The following MOV10L1 variants were observed in gnomAD, a reference collection of about 807,000 sequenced individuals.
MOV10L1 encodes the protein RNA helicase Mov10l1.
Under a neutral mutation model 143.8 loss-of-function variants are expected in MOV10L1, and 110 were observed. That is an observed-to-expected ratio of 0.76 (90% confidence interval 0.66 to 0.90). The LOEUF is 0.90. MOV10L1 is among the 40% of genes least tolerant of loss of function. The probability of loss-of-function intolerance (pLI) is 0.00; values close to 1 mark genes in which losing one functional copy is unlikely to be tolerated. For missense variants in MOV10L1, 1,406 were observed against 1,526.8 expected (o/e 0.92, Z 1.32); for synonymous variants, 593 against 581.1 (o/e 1.02, Z -0.29).
At chr22:50,145,587 G>A in intron 18 of MOV10L1, 102 bp from the exon 19 acceptor site, 2 of 1,449,306 alleles carry the variant, frequency 1.4e-6, no homozygotes, top group Non-Finnish European at 1.9e-6. Flanking sequence ...CTTAAATCAT[G>A]ACTTAGACGT....
rs2063396147 is a variant in MOV10L1, at chr22:50,155,267, T to G, written c.3066+2049T>G. Among the ~76,000 whole-genome samples the G allele has an allele frequency of 2.0e-5, 3 of 151,008 alleles. No homozygotes were observed. The South Asian group carries it at 6.3e-4, about 32-fold the overall frequency. On this transcript the variant is annotated intron_variant, in intron 22 of 26. Coordinates refer to ENST00000262794, the MANE Select transcript of MOV10L1 (RefSeq NM_018995.3). ...TTTTTGGGGGTTGTTTTGTGGGTTTTTTTTTTTTTTTGAGACAGAGTTTTG... is the reference window on the plus strand; with the variant it reads ...TTTTTGGGGGTTGTTTTGTGGGTTTGTTTTTTTTTTTGAGACAGAGTTTTG...
At chr22:50,113,514 GTC>G (rs1225840045) in intron 5 of MOV10L1, 132 bp from the exon 6 acceptor site, 1 of 1,220,426 alleles carries the variant, frequency 8.2e-7, no homozygotes, top group East Asian at 2.4e-5. Flanking sequence ...AGAAACCTAA[GTC>G]TGTGGAAGCC....
rs1368212693 is a variant in MOV10L1, at chr22:50,115,255, C to G, written c.1259+9C>G. 3.3e-6 allele frequency: 5 copies of G among 1,508,090 alleles called. No homozygotes were observed. The highest frequency in any genetic ancestry group is 2.6e-5 in the East Asian group (1 of 38,234). The allele number at this position is 1,508,090 out of a possible 1,614,324, so 93.4% of individuals were successfully genotyped here. A position where few individuals can be genotyped will look rare whatever the true frequency, so the allele number is the denominator to read the frequency against. ...GTCATCTGTGACGGAAAGTAAGGGC[C>G]TGGAGGTCTGGGGAGAGCCGCGTTT... is the stretch of plus-strand genomic sequence containing the variant. On this transcript the variant is annotated intron_variant, in intron 8 of 26. Transcript: ENST00000262794.
chr22:50,123,328 G>A (rs536375262), intron 10 of MOV10L1, among the ~76,000 whole-genome samples: 5 of 151,972 alleles, frequency 3.3e-5, no homozygotes, highest in South Asian at 2.1e-4. Context: ...TGCATTCCAG[G>A]AATAAATTCC....
At chr22:50,116,473 G>C (rs1490567821) in intron 8 of MOV10L1, among the ~76,000 whole-genome samples, 1 of 151,710 alleles carries the variant, frequency 6.6e-6, no homozygotes, top group African/African-American at 2.4e-5. Context: ...CCATAGGGGG[G>C]CACAAAGTGT....
intron 8 of MOV10L1, 99 bp from the exon 9 acceptor site, chr22:50,117,056 AGT>A (rs1339385848): frequency 3.0e-6 from 3 of 1,010,132 alleles, no homozygotes; most frequent in African/African-American, 3.3e-5. Context: ...ACTAAAGATG[AGT>A]CTTAACTCTG....
intron 15 of MOV10L1, among the ~76,000 whole-genome samples, chr22:50,141,495 AT>A (rs56881561): frequency 0.052 from 7,178 of 138,004 alleles, 321 homozygotes; most frequent in African/African-American, 0.12. Context: ...TGCCCGGCTA[AT>A]TTTTTTTTTT....
At chr22:50,109,841 T>TA (rs200470549) in intron 5 of MOV10L1, among the ~76,000 whole-genome samples, 12,089 of 150,072 alleles carry the variant, frequency 0.081, 570 homozygotes, top group South Asian at 0.17. Context: ...GGCTCTGTCT[T>TA]AAAAAATAAA....
At chr22:50,100,181 T>TG in intron 3 of MOV10L1, among the ~76,000 whole-genome samples, 1 of 152,032 alleles carries the variant, frequency 6.6e-6, no homozygotes, top group Middle Eastern at 3.4e-3. Flanking sequence ...TTAGTAAAGA[T>TG]GGGGTTTCAT....
Position 50,092,009 on chromosome 22 carries a change from A to C in MOV10L1, c.106A>C (p.Lys36Gln). ...TTGTTTACCTACCTCAGGTGACACT[A>C]AGCTGAAAACTGTACGGGGTGTCGT... The part of the protein sequence containing the change: ...LEPELAEGDT[K>Q]LKTVRGVVTR... The change falls in exon 2 of 27, where the codon AAG becomes CAG. Residue 36 changes from lysine to glutamine, a missense_variant. Coordinates refer to ENST00000262794, the MANE Select transcript of MOV10L1 (RefSeq NM_018995.3). 1 of 1,613,438 alleles carries C rather than the reference A, an allele frequency of 6.2e-7. No homozygotes were observed. Among genetic ancestry groups the C allele is most frequent in the Non-Finnish European group, 8.5e-7 (1 of 1,179,704 alleles).
intron 12 of MOV10L1, 92 bp from the exon 13 acceptor site, chr22:50,128,324 A>T: frequency 1.4e-6 from 1 of 734,170 alleles, no homozygotes; most frequent in Non-Finnish European, 2.4e-6. Flanking sequence ...ATTTTAGCTC[A>T]GAGCTATAGA....
At chr22:50,156,118 A>AC (rs2147011164) in intron 22 of MOV10L1, among the ~76,000 whole-genome samples, 1 of 150,688 alleles carries the variant, frequency 6.6e-6, no homozygotes, top group African/African-American at 2.4e-5. Context: ...CATGTTAAAA[A>AC]CTTTTTTTTT....
At chr22:50,145,834 G>C (rs1359917431) in intron 19 of MOV10L1, 24 bp downstream of exon 19, 3 of 1,612,156 alleles carry the variant, frequency 1.9e-6, no homozygotes, top group African/African-American at 2.7e-5. Context: ...ATGGAGCGCG[G>C]CATGGGGCCT....
chr22:50,102,791 C>T (rs147398762), intron 3 of MOV10L1, among the ~76,000 whole-genome samples: 1 of 152,150 alleles, frequency 6.6e-6, no homozygotes, highest in Non-Finnish European at 1.5e-5. Flanking sequence ...ATCCCAGCTA[C>T]TCTGGAGGCT....
rs1057289406 is a variant in MOV10L1 at position 50,152,621 on chromosome 22, G to T, written c.2893-424G>T. On this transcript the variant is annotated intron_variant, in intron 21 of 26. Transcript: ENST00000262794. The surrounding 1 kb of genome is among the most constrained non-coding windows in gnomAD (Gnocchi z 4.4). ...ATGCTCTCCTGGCCCAGGGGCCCAG[G>T]AGCTCTTCCTTCCCTGTGGCCAAGC... Among the ~76,000 whole-genome samples, 1 of 152,138 alleles carries T rather than the reference G, an allele frequency of 6.6e-6. No individual in the cohort carries two copies. Among genetic ancestry groups the T allele is most frequent in the Non-Finnish European group, 1.5e-5 (1 of 68,008 alleles).
chr22:50,148,885 T>C (rs138269), intron 19 of MOV10L1, among the ~76,000 whole-genome samples: 118,186 of 152,018 alleles, frequency 0.78, 46,153 homozygotes, highest in Admixed American at 0.81. Flanking sequence ...AGGATGGTCT[T>C]GATCTCCTGA....
At chr22:50,115,313 T>A (rs1014329356) in intron 8 of MOV10L1, 67 bp downstream of exon 8, 78 of 1,418,978 alleles carry the variant, frequency 5.5e-5, no homozygotes, top group Non-Finnish European at 6.8e-5. Flanking sequence ...GGTTGGGTGT[T>A]ATAAAAGGTA....
chr22:50,155,907 C>T (rs946254138), intron 22 of MOV10L1, among the ~76,000 whole-genome samples: 2 of 152,024 alleles, frequency 1.3e-5, no homozygotes, highest in African/African-American at 4.8e-5. Flanking sequence ...AAAAATTATC[C>T]GGTCATGGTG....
chr22:50,128,384 G>A (rs2062573473), intron 12 of MOV10L1, 32 bp from the exon 13 acceptor site: 1 of 1,172,834 alleles, frequency 8.5e-7, no homozygotes, highest in Non-Finnish European at 1.2e-6. Flanking sequence ...ATTATTTCAA[G>A]AAATCAGGTA....
Sources: allele counts gnomAD v4.1 joint callset (sites outside exome capture counted in the v4.1 genomes callset), GRCh38; gene constraint gnomAD v4.1.1; non-coding constraint Gnocchi (gnomAD v3.1); transcripts MANE v1.5; gene names NCBI Gene and HGNC (gene_info 2026-07-23, HGNC 2026-07-21).